The following CREBZF variants were observed in gnomAD, a reference collection of about 807,000 sequenced individuals.
The protein encoded by CREBZF is HCF-binding transcription factor Zhangfei.
A neutral mutation model predicts 21.1 loss-of-function variants in CREBZF; 8 were observed. The ratio of observed to expected loss-of-function variants is 0.38; its 90% CI spans 0.22 to 0.68. The LOEUF is 0.68. Among genes scored for constraint, CREBZF ranks in the 30% least tolerant of loss-of-function variants. The pLI is 0.51. For missense variants in CREBZF, 518 were observed against 484.3 expected (o/e 1.07, Z -0.65); for synonymous variants, 270 against 223.3 (o/e 1.21, Z -1.86).
chr11:85,664,273 G>T lies in CREBZF; in HGVS notation c.603C>A (p.Asp201Glu), dbSNP rs1290468260. The T allele has an allele frequency of 2.5e-6, 4 of 1,612,468 alleles. No individual in the cohort carries two copies. In the South Asian group the frequency reaches 3.3e-5, roughly 13 times the overall value. ...GGGGGGGSGN[D>E]NNQAATKSPR... is the part of the protein sequence containing the mutation. ...GACTCTTTGTCGCCGCCTGGTTGTT[G>T]TCGTTACCGCTGCCGCCACCGCCGC... Residue 201 changes from aspartate to glutamate, a missense_variant, in exon 1 of 1, where the codon GAC becomes GAA. Transcript: ENST00000527447. The surrounding 1 kb of genome is among the most constrained non-coding windows in gnomAD (Gnocchi z 5.5).
intron 1 of CREBZF, among the ~76,000 whole-genome samples, chr11:85,672,119 A>G (rs1420332153): frequency 1.3e-5 from 2 of 152,264 alleles, no homozygotes; most frequent in Non-Finnish European, 2.9e-5. Context: ...CAGGCTCAAT[A>G]TCACGTGGAA....
chr11:85,664,868 T>C lies in CREBZF; in HGVS notation c.8A>G (p.His3Arg). The change falls in exon 1 of 1, where the codon CAT (histidine) becomes CGT (arginine). Residue 3 changes from histidine to arginine, a missense_variant. This residue lies in a region of CREBZF where 396 missense variants were observed against 324.4 expected (regional missense o/e 1.22). Coordinates refer to ENST00000527447, the MANE Select transcript of CREBZF (RefSeq NM_001039618.4). This position sits in a 1 kb window ranked among gnomAD's most constrained non-coding sequence, Gnocchi z 5.5. ...GGCTGCCAGCAGCTTGGTCAGGCTATGCCTCATGAGGGCCAGCGGCGGGCC... is the reference window on the plus strand; with the variant it reads ...GGCTGCCAGCAGCTTGGTCAGGCTACGCCTCATGAGGGCCAGCGGCGGGCC... MR[H>R]SLTKLLAASG... is the part of the protein sequence containing the mutation. 6.7e-7 allele frequency: 1 copy of C among 1,498,892 alleles called. No individual in the cohort carries two copies. The allele number at this position is 1,498,892 out of a possible 1,614,324, so 92.8% of individuals were successfully genotyped here.
rs1021070198 is a variant in CREBZF at position 85,658,395 on chromosome 11, T to C, written c.*5416A>G. Among the ~76,000 whole-genome samples, 4 of 152,098 alleles carry C rather than the reference T, an allele frequency of 2.6e-5. No individual in the cohort carries two copies. Among genetic ancestry groups the C allele is most frequent in the African/African-American group, 9.7e-5 (4 of 41,450 alleles). On this transcript the variant is annotated 3_prime_UTR_variant, in exon 1 of 1. Coordinates refer to ENST00000527447, the MANE Select transcript of CREBZF (RefSeq NM_001039618.4). ...TTTCTAATATCTGTCCTCTGCCACATATTTTTAAATTATCTTTTCCATTAG... is the reference window on the plus strand; with the variant it reads ...TTTCTAATATCTGTCCTCTGCCACACATTTTTAAATTATCTTTTCCATTAG...
upstream of CREBZF, among the ~76,000 whole-genome samples, chr11:85,668,792 G>C (rs2153328256): frequency 6.6e-6 from 1 of 151,404 alleles, no homozygotes; most frequent in Admixed American, 6.6e-5. Flanking sequence ...CACGAGGTCA[G>C]GAGATCGAGA....
In CREBZF at chr11:85,664,017, C is replaced by T; in HGVS notation, c.859G>A (p.Val287Met). 1 of 1,613,052 alleles carries T rather than the reference C, an allele frequency of 6.2e-7. No individual in the cohort carries two copies. The highest frequency in any genetic ancestry group is 8.5e-7 in the Non-Finnish European group (1 of 1,179,930). ...AGCGAGGTGGTCAGCCGCAGTCCCACGCCGCTCAGCCGGCTCAGCAAGCGA... is the reference window on the plus strand; with the variant it reads ...AGCGAGGTGGTCAGCCGCAGTCCCATGCCGCTCAGCCGGCTCAGCAAGCGA... ...LARLLSRLSG[V>M]GLRLTTSLFR... Residue 287 changes from valine (V) to methionine (M), a missense_variant, in exon 1 of 1, where the codon GTG (valine) becomes ATG (methionine). Physicochemically the swap from Val to Met is conservative, Grantham distance 21. Around this residue, in one of 3 missense-constraint regions of CREBZF, gnomAD observed 114 missense variants for 134.1 expected, o/e 0.85. Coordinates refer to ENST00000527447, the MANE Select transcript of CREBZF (RefSeq NM_001039618.4). The surrounding 1 kb of genome is among the most constrained non-coding windows in gnomAD (Gnocchi z 5.5).
At chr11:85,670,165 G>C (rs184984231) in intron 1 of CREBZF, among the ~76,000 whole-genome samples, 21 of 151,916 alleles carry the variant, frequency 1.4e-4, no homozygotes, top group Admixed American at 7.9e-4. Context: ...GAAAAATCCT[G>C]AAAGTTTCTA....
chr11:85,679,260 A>C (rs903070972), intron 1 of CREBZF, among the ~76,000 whole-genome samples: 1 of 152,154 alleles, frequency 6.6e-6, no homozygotes, highest in Admixed American at 6.5e-5. Flanking sequence ...TCACTCCTAC[A>C]TTAGGCTGGA....
chr11:85,663,817 T>C lies in CREBZF; in HGVS notation c.1059A>G (p.Lys353=). 1 of 1,598,488 alleles carries C rather than the reference T, an allele frequency of 6.3e-7. No individual in the cohort carries two copies. Residue 353 remains lysine, a synonymous_variant, in exon 1 of 1, where the codon AAA becomes AAG. Transcript: ENST00000527447. ...ACARKASSSL[K]M is the part of the protein sequence containing the mutation. ...AAGAGCAGATTACTTGACCCTACAT[T>C]TTAAGAGAAGACGACGCCTTCCGGG...
rs1322880681 is a variant in CREBZF at position 85,661,228 on chromosome 11, C to T, written c.*2583G>A. On this transcript the variant is annotated 3_prime_UTR_variant, in exon 1 of 1. Transcript: ENST00000527447. ...AAATATGACCAAATTTATTTAAAGC[C>T]CCTATTAGATAGATCCTAAGTACAT... The T allele has an allele frequency of 6.6e-6, 1 of 151,650 alleles. No homozygotes were observed. The highest frequency in any genetic ancestry group is 1.5e-5 in the Non-Finnish European group (1 of 67,786). The allele number at this position is 151,650 out of a possible 1,614,324, so 9.4% of individuals were successfully genotyped here.
chr11:85,663,886 A>T lies in CREBZF; in HGVS notation c.990T>A (p.His330Gln). The change falls in exon 1 of 1, where the codon CAT (histidine) becomes CAA (glutamine). Residue 330 changes from histidine to glutamine, a missense_variant. By Grantham distance (24) the His-to-Gln change is conservative (BLOSUM62 0). Transcript: ENST00000527447. ...CCACCGACACCTTATCCTTGTCCAC[A>T]TGGAGACAGACTCCTCCCGCCGAGT... ...EDDSAGGVCL[H>Q]VDKDKVSVEF... The T allele has an allele frequency of 6.2e-7, 1 of 1,612,630 alleles. No homozygotes were observed. Among genetic ancestry groups the T allele is most frequent in the Non-Finnish European group, 8.5e-7 (1 of 1,179,970 alleles).
upstream of CREBZF, chr11:85,665,218 T>A (rs1452812327): frequency 3.3e-6 from 1 of 299,524 alleles, no homozygotes; most frequent in Admixed American, 5.1e-5. Flanking sequence ...AGAGTGGGAA[T>A]AATTCCAGCT....
chr11:85,666,872 T>A (rs1183503913), upstream of CREBZF, among the ~76,000 whole-genome samples: 9 of 152,226 alleles, frequency 5.9e-5, no homozygotes, highest in Non-Finnish European at 1.0e-4. Flanking sequence ...CTTGTCCTGC[T>A]TAACATTCCA....
In CREBZF at chr11:85,664,468, G is replaced by C; in HGVS notation, c.408C>G (p.Gly136=). ...SPGPLSSSGG[G]SDSGGLWRGD... ...CTCTCCACAGGCCGCCGCTATCCGA[G>C]CCTCCGCCAGACGAGGAGAGAGGCC... Residue 136 remains glycine (G), a synonymous_variant, in exon 1 of 1, where the codon GGC becomes GGG. Transcript: ENST00000527447. The surrounding 1 kb of genome is among the most constrained non-coding windows in gnomAD (Gnocchi z 5.5). 1 of 1,613,606 alleles carries C rather than the reference G, an allele frequency of 6.2e-7. No homozygotes were observed. The highest frequency in any genetic ancestry group is 8.5e-7 in the Non-Finnish European group (1 of 1,179,930).
Position 85,664,483 on chromosome 11 carries a change from G to C in CREBZF, c.393C>G (p.Ser131=). 1.9e-6 allele frequency: 3 copies of C among 1,613,760 alleles called. No individual in the cohort carries two copies. The highest frequency in any genetic ancestry group is 2.5e-6 in the Non-Finnish European group (3 of 1,179,950). Residue 131 remains serine (S), a synonymous_variant, in exon 1 of 1, where the codon TCC becomes TCG. Transcript: ENST00000527447. The surrounding 1 kb of genome is among the most constrained non-coding windows in gnomAD (Gnocchi z 5.5). ...DPGLSSPGPL[S]SSGGGSDSGG... is the part of the protein sequence containing the mutation. ...CGCTATCCGAGCCTCCGCCAGACGA[G>C]GAGAGAGGCCCCGGCGAGCTAAGCC...
At chr11:85,680,797 C>T (rs2082971751) in intron 1 of CREBZF, among the ~76,000 whole-genome samples, 1 of 152,152 alleles carries the variant, frequency 6.6e-6, no homozygotes, top group South Asian at 2.1e-4. Context: ...TTTTAAGAGG[C>T]CAAGACTTGT....
chr11:85,667,870 T>C (rs2082883237), upstream of CREBZF, among the ~76,000 whole-genome samples: 1 of 152,110 alleles, frequency 6.6e-6, no homozygotes, highest in African/African-American at 2.4e-5. Context: ...CTTGGGAGGC[T>C]GAGGCCCAAG....
At chr11:85,666,839 T>C (rs746533045), upstream of CREBZF, among the ~76,000 whole-genome samples, 1 of 152,210 alleles carries the variant, frequency 6.6e-6, no homozygotes, top group African/African-American at 2.4e-5. Context: ...CTGTGGTATC[T>C]AGAAGAATAA....
chr11:85,677,261 G>A (rs1291287235), intron 1 of CREBZF, among the ~76,000 whole-genome samples: 8 of 151,822 alleles, frequency 5.3e-5, no homozygotes, highest in Admixed American at 2.6e-4. Flanking sequence ...CACCACACCC[G>A]GCTTAAGTCA....
At position 85,661,623 on chromosome 11, in the gene CREBZF, A is replaced by G. The variant is rs1363016699; in HGVS notation, c.*2188T>C. ...TCCAACAGAATGTTATAGTTTTTAG[A>G]AAAATGAACTTACTGCTTTCCAGAA... On this transcript the variant is annotated 3_prime_UTR_variant, in exon 1 of 1. Coordinates refer to ENST00000527447, the MANE Select transcript of CREBZF (RefSeq NM_001039618.4). 1 of 152,612 alleles carries G rather than the reference A, an allele frequency of 6.6e-6. No homozygotes were observed. Among genetic ancestry groups the G allele is most frequent in the Non-Finnish European group, 1.5e-5 (1 of 68,002 alleles). 9.5% of individuals were successfully genotyped at this position (152,612 alleles called of 1,614,324 possible). A position where few individuals can be genotyped will look rare whatever the true frequency, so the allele number is the denominator to read the frequency against.
Sources: allele counts gnomAD v4.1 joint callset (sites outside exome capture counted in the v4.1 genomes callset), GRCh38; gene constraint gnomAD v4.1.1; regional missense constraint gnomAD v4.1.1; non-coding constraint Gnocchi (gnomAD v3.1); transcripts MANE v1.5; gene names NCBI Gene and HGNC (gene_info 2026-07-23, HGNC 2026-07-21).